Variants in CYP2U1 observed in about 807,000 individuals in gnomAD.
The protein encoded by CYP2U1 is cytochrome P450 family 2 subfamily U member 1, also known as cytochrome P450 2U1.
A neutral mutation model predicts 42.8 loss-of-function variants in CYP2U1; 28 were observed. The ratio of observed to expected loss-of-function variants is 0.65; its 90% confidence interval spans 0.48 to 0.90. The LOEUF (loss-of-function observed/expected upper bound fraction) is 0.90, where lower values mean the gene tolerates loss of function less well. Among genes scored for constraint, CYP2U1 ranks in the 40% least tolerant of loss-of-function variants. The pLI, the probability that CYP2U1 is intolerant of heterozygous loss-of-function variation, is 0.00. For missense variants in CYP2U1, 642 were observed against 693.8 expected (o/e 0.93, Z 0.84); for synonymous variants, 296 against 278.9 (o/e 1.06, Z -0.61).
intron 3 of CYP2U1, among the ~76,000 whole-genome samples, chr4:107,949,000 G>A (rs763702535): frequency 7.9e-5 from 12 of 152,122 alleles, no homozygotes; most frequent in Non-Finnish European, 1.3e-4. Flanking sequence ...TGTAAACTAA[G>A]TTTTATACAT....
At chr4:107,933,488 G>A (rs1733124680) in intron 1 of CYP2U1, among the ~76,000 whole-genome samples, 1 of 152,070 alleles carries the variant, frequency 6.6e-6, no homozygotes, top group African/African-American at 2.4e-5. Flanking sequence ...TTTTCAGTGG[G>A]GCATTTAAAG....
rs1320372367 is a variant in CYP2U1 at position 107,950,494 on chromosome 4, G to A, written c.*71G>A. 17 of 1,446,032 alleles carry A rather than the reference G, an allele frequency of 1.2e-5. No homozygotes were observed. In the Admixed American group the frequency reaches 2.5e-4, roughly 21 times the overall value. 89.6% of individuals were successfully genotyped at this position (1,446,032 alleles called of 1,614,324 possible). On this transcript the variant is annotated 3_prime_UTR_variant, in exon 5 of 5. Coordinates refer to ENST00000332884, the MANE Select transcript of CYP2U1 (RefSeq NM_183075.3). ...TCCTTCTAAGCAGATTCTTCCTACT[G>A]CAAAGGACAGTGAATCCAGCAACTC... is the stretch of plus-strand genomic sequence containing the variant.
intron 1 of CYP2U1, chr4:107,940,630 A>G (rs1377474246): frequency 6.6e-6 from 1 of 151,884 alleles, no homozygotes; most frequent in Non-Finnish European, 1.5e-5. Flanking sequence ...TCAACCATTT[A>G]TAAATGTAAA....
intron 1 of CYP2U1, among the ~76,000 whole-genome samples, chr4:107,933,081 G>T (rs1430200827): frequency 1.3e-5 from 2 of 152,328 alleles, no homozygotes; most frequent in South Asian, 2.1e-4. Flanking sequence ...ACATGGCAAA[G>T]AAAGATCTAG....
Position 107,932,111 on chromosome 4 carries a change from C to A in CYP2U1, c.468C>A (p.Ile156=). Residue 156 remains isoleucine, a synonymous_variant, in exon 1 of 5, where the codon ATC becomes ATA. Transcript: ENST00000332884. The stretch of plus-strand genomic sequence containing the variant: ...GCGACCGCCCGCGGGTGCCGCTCAT[C>A]TCCATCGTGACCAAGGAGAAGGGTG... ...VFSDRPRVPL[I]SIVTKEKGVV... is the part of the protein sequence containing the mutation. 6.2e-7 allele frequency: 1 copy of A among 1,603,242 alleles called. No homozygotes were observed. Among genetic ancestry groups the A allele is most frequent in the South Asian group, 1.1e-5 (1 of 89,068 alleles).
rs760235478 is a variant in CYP2U1 at position 107,950,493 on chromosome 4, T to G, written c.*70T>G. ...ATCCTTCTAAGCAGATTCTTCCTAC[T>G]GCAAAGGACAGTGAATCCAGCAACT... is the stretch of plus-strand genomic sequence containing the variant. On this transcript the variant is annotated 3_prime_UTR_variant, in exon 5 of 5. Transcript: ENST00000332884. The G allele has an allele frequency of 4.1e-5, 60 of 1,454,516 alleles. No individual in the cohort carries two copies. In the Admixed American group the frequency reaches 1.2e-3, roughly 28 times the overall value. 90.1% of individuals were successfully genotyped at this position (1,454,516 alleles called of 1,614,324 possible).
At chr4:107,932,762 T>C (rs558272155) in intron 1 of CYP2U1, among the ~76,000 whole-genome samples, 1 of 152,306 alleles carries the variant, frequency 6.6e-6, no homozygotes, top group African/African-American at 2.4e-5. Context: ...ACTGGCTGGC[T>C]TAGGTCTCTG....
At chr4:107,938,120 G>T (rs1733344993) in intron 1 of CYP2U1, 2 of 152,096 alleles carry the variant, frequency 1.3e-5, no homozygotes, top group Admixed American at 6.6e-5. Context: ...CTTAACTGTG[G>T]TTGAACGGCA....
At chr4:107,940,445 T>C (rs1420068248) in intron 1 of CYP2U1, 1 of 152,120 alleles carries the variant, frequency 6.6e-6, no homozygotes, top group East Asian at 1.9e-4. Flanking sequence ...TTAGTTTTTT[T>C]ACATCATGAA....
At chr4:107,932,479 G>A (rs1169206718) in intron 1 of CYP2U1, among the ~76,000 whole-genome samples, 1 of 152,200 alleles carries the variant, frequency 6.6e-6, no homozygotes, top group Non-Finnish European at 1.5e-5. Flanking sequence ...TGTGACCTCG[G>A]AGAGAAACTT....
At position 107,951,109 on chromosome 4, in the gene CYP2U1, A is replaced by G. The variant is rs998925660; in HGVS notation, c.*686A>G. ...GACTCTGTCGTGTATATTGAGGAAA[A>G]AAGAAATTATAATTTTAAAAAATCC... On this transcript the variant is annotated 3_prime_UTR_variant, in exon 5 of 5. Coordinates refer to ENST00000332884, the MANE Select transcript of CYP2U1 (RefSeq NM_183075.3). 2 of 152,208 alleles carry G rather than the reference A, an allele frequency of 1.3e-5. No homozygotes were observed. Among genetic ancestry groups the G allele is most frequent in the Non-Finnish European group, 2.9e-5 (2 of 68,048 alleles). The allele number at this position is 152,208 out of a possible 1,614,324, so 9.4% of individuals were successfully genotyped here.
intron 4 of CYP2U1, among the ~76,000 whole-genome samples, chr4:107,950,042 A>G (rs1733854366): frequency 6.6e-6 from 1 of 152,202 alleles, no homozygotes; most frequent in African/African-American, 2.4e-5. Flanking sequence ...TTTATGAGTA[A>G]GAGTTAAAAT....
chr4:107,942,483 T>C (rs1733532572), intron 1 of CYP2U1, among the ~76,000 whole-genome samples: 1 of 152,240 alleles, frequency 6.6e-6, no homozygotes. Context: ...AAAAGGGGAC[T>C]TCCCTATTAG....
Position 107,950,491 on chromosome 4 carries a change from A to C in CYP2U1, c.*68A>C. On this transcript the variant is annotated 3_prime_UTR_variant, in exon 5 of 5. Coordinates refer to ENST00000332884, the MANE Select transcript of CYP2U1 (RefSeq NM_183075.3). The stretch of plus-strand genomic sequence containing the variant: ...ATATCCTTCTAAGCAGATTCTTCCT[A>C]CTGCAAAGGACAGTGAATCCAGCAA... 3 of 1,454,594 alleles carry C rather than the reference A, an allele frequency of 2.1e-6. No homozygotes were observed. The highest frequency in any genetic ancestry group is 2.9e-5 in the South Asian group (2 of 69,422). 90.1% of individuals were successfully genotyped at this position (1,454,594 alleles called of 1,614,324 possible).
chr4:107,949,284 G>T, intron 3 of CYP2U1, 66 bp from the exon 4 acceptor site: 2 of 1,341,688 alleles, frequency 1.5e-6, no homozygotes, highest in Non-Finnish European at 2.0e-6. Flanking sequence ...TTCAGATAAT[G>T]ATGTTCAGGG....
rs777274185 is a variant in CYP2U1, at chr4:107,945,328, A to G, written c.849A>G (p.Pro283=). The G allele has an allele frequency of 4.3e-6, 7 of 1,614,170 alleles. No individual in the cohort carries two copies. The highest frequency in any genetic ancestry group is 1.7e-5 in the Admixed American group (1 of 60,014). The change falls in exon 2 of 5, where the codon CCA becomes CCG. Residue 283 remains proline, a synonymous_variant. Transcript: ENST00000332884. ...GGCTTTATTACCTTCCCTTTGGACC[A>G]TTTAAGGAATTAAGACAAATTGAAA... ...CPWLYYLPFG[P]FKELRQIEKD...
chr4:107,933,553 C>G (rs1733130610), intron 1 of CYP2U1, among the ~76,000 whole-genome samples: 1 of 152,146 alleles, frequency 6.6e-6, no homozygotes, highest in Middle Eastern at 3.2e-3. Context: ...TCTTAGTGTT[C>G]ATCCATGTTG....
chr4:107,950,280 A>G lies in CYP2U1; in HGVS notation c.1492A>G (p.Met498Val), dbSNP rs368543204. 2.5e-6 allele frequency: 4 copies of G among 1,613,094 alleles called. No individual in the cohort carries two copies. The African/African-American group carries it at 4.0e-5, about 16-fold the overall frequency. The change falls in exon 5 of 5, where the codon ATG becomes GTG. Residue 498 changes from methionine to valine, a missense_variant. Physicochemically the swap from Met to Val is conservative, Grantham distance 21 (BLOSUM62 1). Coordinates refer to ENST00000332884, the MANE Select transcript of CYP2U1 (RefSeq NM_183075.3). ...RVCMGEQLAKMELFLMFVSLM... is the reference protein window; with the variant it reads ...RVCMGEQLAKVELFLMFVSLM... ...GTGTATGGGAGAACAACTGGCAAAG[A>G]TGGAATTATTCCTAATGTTTGTGAG...
intron 2 of CYP2U1, among the ~76,000 whole-genome samples, chr4:107,946,992 G>A (rs1733719328): frequency 6.6e-6 from 1 of 152,134 alleles, no homozygotes; most frequent in African/African-American, 2.4e-5. Context: ...GGAGGGGACT[G>A]CACAAGGATA....
Sources: gnomAD v4.1 joint callset for allele counts (sites outside exome capture counted in the v4.1 genomes callset) on GRCh38, gnomAD v4.1.1 for gene constraint, MANE v1.5 for transcripts, NCBI Gene and HGNC (gene_info 2026-07-23, HGNC 2026-07-21) for gene names.